The following ARFGEF1 variants were observed in gnomAD, a reference collection of about 807,000 sequenced individuals.
The protein encoded by ARFGEF1 is ARF guanine nucleotide exchange factor 1.
ARFGEF1 carries 42 observed loss-of-function variants against 231.0 expected under a neutral mutation model. That is an observed-to-expected ratio of 0.18 (90% CI 0.14 to 0.24). The LOEUF is 0.24. ARFGEF1 is among the 10% of genes least tolerant of loss of function. The probability of loss-of-function intolerance (pLI) is 1.00; values close to 1 mark genes in which losing one functional copy is unlikely to be tolerated. For synonymous variants in ARFGEF1, 710 were observed against 732.3 expected, an observed-to-expected ratio of 0.97 and a Z score of 0.49; for missense variants, 1,345 against 2,192.0, an observed-to-expected ratio of 0.61 and a Z score of 7.72.
At chr8:67,249,405 C>A in intron 19 of ARFGEF1, among the ~76,000 whole-genome samples, 1 of 150,104 alleles carries the variant, frequency 6.7e-6, no homozygotes, top group Admixed American at 6.7e-5. Flanking sequence ...GTATTAAATA[C>A]ATTTTCCACT....
intron 5 of ARFGEF1, chr8:67,177,600 A>G: frequency 1.1e-6 from 1 of 897,658 alleles, no homozygotes; most frequent in Non-Finnish European, 1.8e-6. Flanking sequence ...GAGCTAGTCA[A>G]AAAAGATATT....
At chr8:67,330,696 C>T (rs545211524) in intron 1 of ARFGEF1, among the ~76,000 whole-genome samples, 1 of 152,138 alleles carries the variant, frequency 6.6e-6, no homozygotes, top group Non-Finnish European at 1.5e-5. Context: ...CTTATTTTTA[C>T]TCTTCATCTT....
chr8:67,318,145 G>C (rs2128925702), intron 1 of ARFGEF1, among the ~76,000 whole-genome samples: 1 of 150,498 alleles, frequency 6.6e-6, no homozygotes, highest in Non-Finnish European at 1.5e-5. Flanking sequence ...GCTGATGCAG[G>C]AGAATGGCGT....
intron 5 of ARFGEF1, among the ~76,000 whole-genome samples, chr8:67,292,680 T>C (rs957175645): frequency 5.3e-5 from 8 of 152,124 alleles, no homozygotes; most frequent in Non-Finnish European, 1.5e-5. Flanking sequence ...TCTACAAATG[T>C]CTGAATTTTA....
At chr8:67,293,327 C>T (rs1037126079) in intron 5 of ARFGEF1, among the ~76,000 whole-genome samples, 1 of 152,036 alleles carries the variant, frequency 6.6e-6, no homozygotes, top group South Asian at 2.1e-4. Context: ...CGGTTTTGCT[C>T]GTCACTGTAT....
At chr8:67,259,987 C>G (rs1840588431) in intron 14 of ARFGEF1, 61 bp from the exon 15 acceptor site, 1 of 1,160,592 alleles carries the variant, frequency 8.6e-7, no homozygotes, top group Non-Finnish European at 1.2e-6. Context: ...CTGAAAAGAT[C>G]TTAAACCACA....
rs1393437275 is a variant in ARFGEF1 at position 67,264,546 on chromosome 8, G to A, written c.2123+1460C>T. On this transcript the variant is annotated intron_variant, in intron 14 of 38. Coordinates refer to ENST00000262215, the MANE Select transcript of ARFGEF1 (RefSeq NM_006421.5). The stretch of plus-strand genomic sequence containing the variant: ...TTGGAAAAGGGCTGAGGAACAGAAC[G>A]CTGGCAATGCTAAGATGCACGCAGG... Among the ~76,000 whole-genome samples the A allele has an allele frequency of 5.3e-5, 8 of 152,090 alleles. No homozygotes were observed. In the East Asian group the frequency reaches 7.7e-4, roughly 15 times the overall value.
At chr8:67,238,981 G>A (rs1185993895) in intron 20 of ARFGEF1, 88 bp from the exon 21 acceptor site, 6 of 894,496 alleles carry the variant, frequency 6.7e-6, no homozygotes, top group Non-Finnish European at 9.4e-6. Context: ...TACTTGTTCA[G>A]TAAGATTTTG....
chr8:67,200,044 G>T, intron 38 of ARFGEF1: 1 of 355,782 alleles, frequency 2.8e-6, no homozygotes, highest in Non-Finnish European at 5.5e-6. Context: ...TTGAGTAGTA[G>T]GCAGAGTACA....
chr8:67,198,715 CA>C lies in ARFGEF1; in HGVS notation c.*218del. ...TGAGCATGAGCTGACACTGTTTAAA[CA>C]GGCTTTCTGCTCAACATGAGGCCAA... On this transcript the variant is annotated 3_prime_UTR_variant, in exon 39 of 39. Transcript: ENST00000262215. 1 of 1,305,422 alleles carries C rather than the reference CA, an allele frequency of 7.7e-7. No individual in the cohort carries two copies. 80.9% of individuals were successfully genotyped at this position (1,305,422 alleles called of 1,614,324 possible).
intron 1 of ARFGEF1, among the ~76,000 whole-genome samples, chr8:67,334,950 T>C (rs1808274723): frequency 6.6e-6 from 1 of 152,180 alleles, no homozygotes; most frequent in Non-Finnish European, 1.5e-5. Flanking sequence ...AAAACTGGAT[T>C]TATGCTGATG....
intron 34 of ARFGEF1, among the ~76,000 whole-genome samples, chr8:67,206,798 G>T (rs2129577548): frequency 6.6e-6 from 1 of 152,330 alleles, no homozygotes; most frequent in South Asian, 2.1e-4. Flanking sequence ...ACTGCCCAAA[G>T]GGAGCTGCCT....
intron 1 of ARFGEF1, among the ~76,000 whole-genome samples, chr8:67,328,588 C>T (rs1807949166): frequency 6.6e-6 from 1 of 152,170 alleles, no homozygotes; most frequent in Non-Finnish European, 1.5e-5. Context: ...CTCTCTCATC[C>T]TTTTAGCTTT....
At position 67,266,144 on chromosome 8, in the gene ARFGEF1, T is replaced by C; in HGVS notation, c.1985A>G (p.Tyr662Cys). 1.2e-6 allele frequency: 2 copies of C among 1,613,836 alleles called. No individual in the cohort carries two copies. The highest frequency in any genetic ancestry group is 1.7e-6 in the Non-Finnish European group (2 of 1,179,844). Residue 662 changes from tyrosine (Y) to cysteine (C), a missense_variant, in exon 14 of 39, where the codon TAC (tyrosine) becomes TGC (cysteine). By Grantham distance (194) the Tyr-to-Cys change is radical. Coordinates refer to ENST00000262215, the MANE Select transcript of ARFGEF1 (RefSeq NM_006421.5). ...EIKHPETINR[Y>C]GSLNSLESTS... ...TGACTCCAGGGAATTTAAACTTCCG[T>C]ATCTGTTTATTGTCTCAGGGTGTTT...
At chr8:67,240,412 A>G (rs1839894374) in intron 19 of ARFGEF1, 122 bp from the exon 20 acceptor site, 1 of 973,426 alleles carries the variant, frequency 1.0e-6, no homozygotes, top group Non-Finnish European at 1.4e-6. Context: ...TTATCTAGAA[A>G]GCTTTCTTAA....
At position 67,238,723 on chromosome 8, in the gene ARFGEF1, A is replaced by C; in HGVS notation, c.3138+12T>G. The C allele has an allele frequency of 6.2e-7, 1 of 1,609,896 alleles. No individual in the cohort carries two copies. Among genetic ancestry groups the C allele is most frequent in the Non-Finnish European group, 8.5e-7 (1 of 1,177,036 alleles). On this transcript the variant is annotated intron_variant, in intron 21 of 38. Transcript: ENST00000262215. ...AAACCAAATTGCAAAGTTGAAAATAAAGTGCTTATACCTCATGCCATGAAT... is the reference window on the plus strand; with the variant it reads ...AAACCAAATTGCAAAGTTGAAAATACAGTGCTTATACCTCATGCCATGAAT...
At chr8:67,283,556 A>G (rs1805625681) in intron 7 of ARFGEF1, among the ~76,000 whole-genome samples, 1 of 152,150 alleles carries the variant, frequency 6.6e-6, no homozygotes, top group African/African-American at 2.4e-5. Context: ...AACACACCAT[A>G]ATAAGATCAA....
intron 6 of ARFGEF1, among the ~76,000 whole-genome samples, chr8:67,290,126 A>G (rs188595483): frequency 1.1e-3 from 164 of 152,340 alleles, no homozygotes; most frequent in African/African-American, 3.7e-3. Context: ...CAGAATTTTC[A>G]TTTATATCAG....
chr8:67,303,581 G>T (rs564619732), intron 1 of ARFGEF1, among the ~76,000 whole-genome samples: 6 of 152,156 alleles, frequency 3.9e-5, no homozygotes, highest in African/African-American at 1.4e-4. Flanking sequence ...CGTGCTGGTG[G>T]TGCGCGCCTA....
Sources: gnomAD v4.1 joint callset for allele counts (sites outside exome capture counted in the v4.1 genomes callset) on GRCh38, gnomAD v4.1.1 for gene constraint, MANE v1.5 for transcripts, NCBI Gene and HGNC (gene_info 2026-07-23, HGNC 2026-07-21) for gene names.